The following PCDH15 variants were observed in gnomAD, a reference collection of about 807,000 sequenced individuals.
PCDH15 encodes the protein protocadherin related 15, also known as protocadherin-15.
PCDH15 carries 129 observed loss-of-function variants against 178.5 expected under a neutral mutation model. The ratio of observed to expected loss-of-function variants is 0.72; its 90% CI spans 0.63 to 0.84. The LOEUF (loss-of-function observed/expected upper bound fraction) is 0.84. PCDH15 is among the 40% of genes least tolerant of loss of function. The pLI, the probability that PCDH15 is intolerant of heterozygous loss-of-function variation, is 0.00. For missense variants in PCDH15, 2,230 were observed against 2,099.9 expected, an observed-to-expected ratio of 1.06 and a Z score of -1.21; for synonymous variants, 800 against 732.0, an observed-to-expected ratio of 1.09 and a Z score of -1.50.
intron 20 of PCDH15, among the ~76,000 whole-genome samples, chr10:54,012,502 A>G (rs770132447): frequency 7.2e-5 from 11 of 152,124 alleles, no homozygotes; most frequent in Non-Finnish European, 1.5e-4. Flanking sequence ...ATTCTCTTTC[A>G]TTCTTTTTAA....
chr10:53,822,205 C>T (rs1376954301), intron 32 of PCDH15: 1 of 1,613,926 alleles, frequency 6.2e-7, no homozygotes. Flanking sequence ...GTTATACAGA[C>T]ACACTCTGTG....
chr10:55,010,187 A>C (rs537773747), intron 2 of PCDH15, among the ~76,000 whole-genome samples: 1 of 152,264 alleles, frequency 6.6e-6, no homozygotes, highest in Non-Finnish European at 1.5e-5. Context: ...TACAACCTGA[A>C]GTAAAAAACT....
rs909420547 is a variant in PCDH15 at position 54,185,562 on chromosome 10, T to C, written c.1306-294A>G. Among the ~76,000 whole-genome samples, 61 of 152,058 alleles carry C rather than the reference T, an allele frequency of 4.0e-4. 1 individual carries two copies. The highest frequency in any genetic ancestry group is 5.9e-4 in the Admixed American group (9 of 15,260). On this transcript the variant is annotated intron_variant, in intron 11 of 37. Coordinates refer to ENST00000644397, the MANE Select transcript of PCDH15 (RefSeq NM_001384140.1). ...GAATATAAAAACTCCCAATTAAATA[T>C]ATTCTTACTGATTATTTGTTATCAA...
intron 2 of PCDH15, among the ~76,000 whole-genome samples, chr10:54,657,827 G>C (rs1442991085): frequency 1.3e-5 from 2 of 152,150 alleles, no homozygotes; most frequent in African/African-American, 4.8e-5. Flanking sequence ...CTAAAGGATT[G>C]TACTTGCACT....
chr10:55,234,813 A>G (rs1342103981), intron 1 of PCDH15, among the ~76,000 whole-genome samples: 1 of 152,080 alleles, frequency 6.6e-6, no homozygotes, highest in Non-Finnish European at 1.5e-5. Context: ...TAATTATTAC[A>G]ATGAGAGTGG....
chr10:53,921,917 AT>A (rs748484250), intron 25 of PCDH15, among the ~76,000 whole-genome samples: 2 of 152,038 alleles, frequency 1.3e-5, no homozygotes, highest in African/African-American at 4.8e-5. Flanking sequence ...AAGATACTGG[AT>A]TTTTTCCTCC....
intron 1 of PCDH15, among the ~76,000 whole-genome samples, chr10:54,732,920 T>TA (rs1285106352): frequency 6.6e-6 from 1 of 151,440 alleles, no homozygotes; most frequent in Non-Finnish European, 1.5e-5. Context: ...ATTATCAGAA[T>TA]AAAAAGAAAA....
Position 55,070,952 on chromosome 10 carries a change from T to C in PCDH15, c.-80+95624A>G, listed in dbSNP as rs370036483. On this transcript the variant is annotated intron_variant, in intron 2 of 5. Coordinates refer to the PCDH15 transcript ENST00000458638. ...TTTCTTTGTATCCTCTTTTATTTCA[T>C]TGAGCAGTGGTTTGTAGTTCTCCTT... Among the ~76,000 whole-genome samples, 6 of 152,254 alleles carry C rather than the reference T, an allele frequency of 3.9e-5. No homozygotes were observed. The East Asian group carries it at 1.2e-3, about 29-fold the overall frequency.
chr10:55,366,353 AT>A (rs959249318), intron 2 of PCDH15: 30 of 152,122 alleles, frequency 2.0e-4, no homozygotes, highest in African/African-American at 7.2e-4. Context: ...TTATTTTTAT[AT>A]TTATTTGTAG....
intron 2 of PCDH15, among the ~76,000 whole-genome samples, chr10:54,929,721 T>G (rs950735659): frequency 6.6e-6 from 1 of 152,168 alleles, no homozygotes; most frequent in Non-Finnish European, 1.5e-5. Context: ...GTGTGGCTTT[T>G]CTGGAAAATA....
At chr10:54,939,320 T>C (rs1386224851) in intron 2 of PCDH15, among the ~76,000 whole-genome samples, 1 of 150,150 alleles carries the variant, frequency 6.7e-6, no homozygotes, top group Non-Finnish European at 1.5e-5. Flanking sequence ...CGGTGAAACC[T>C]CGTCTCTACT....
chr10:53,970,909 A>C (rs1467467931), intron 21 of PCDH15, among the ~76,000 whole-genome samples: 1 of 152,216 alleles, frequency 6.6e-6, no homozygotes, highest in Non-Finnish European at 1.5e-5. Context: ...AGTCAATAGA[A>C]AAAGAAGGAA....
At chr10:53,888,359 C>CATATATATACGT (rs2081296009) in intron 26 of PCDH15, among the ~76,000 whole-genome samples, 1 of 107,148 alleles carries the variant, frequency 9.3e-6, no homozygotes, top group East Asian at 2.7e-4. Context: ...CGTATATATA[C>CATATATATACGT]ATATATATAT....
chr10:54,223,562 T>TTTTTTTTTTTTTTTTTGAGACG (rs1554845758), intron 9 of PCDH15, among the ~76,000 whole-genome samples: 1 of 146,190 alleles, frequency 6.8e-6, no homozygotes, highest in Non-Finnish European at 1.5e-5. Context: ...ATATTATTTT[T>TTTTTTTTTTTTTTTTTGAGACG]GAAGTGTTTA....
intron 26 of PCDH15, among the ~76,000 whole-genome samples, chr10:53,870,247 T>A (rs188199352): frequency 2.0e-5 from 3 of 152,276 alleles, no homozygotes; most frequent in Non-Finnish European, 2.9e-5. Flanking sequence ...TGAAACAAAT[T>A]ATCACTTAAT....
chr10:55,598,750 GC>G (rs1001528633), intron 2 of PCDH15, among the ~76,000 whole-genome samples: 2 of 151,648 alleles, frequency 1.3e-5, no homozygotes, highest in Non-Finnish European at 2.9e-5. Context: ...AAGCACACAA[GC>G]CCGTCACCCT....
intron 2 of PCDH15, among the ~76,000 whole-genome samples, chr10:55,506,517 G>A (rs1412843165): frequency 6.6e-6 from 1 of 151,418 alleles, no homozygotes. Flanking sequence ...TATTTGATTG[G>A]AATACCAAAG....
At chr10:54,303,350 T>G (rs2060258851) in intron 8 of PCDH15, among the ~76,000 whole-genome samples, 1 of 152,044 alleles carries the variant, frequency 6.6e-6, no homozygotes, top group African/African-American at 2.4e-5. Flanking sequence ...GTTCCCCAAT[T>G]ATCACAATTG....
intron 2 of PCDH15, among the ~76,000 whole-genome samples, chr10:55,616,919 C>A (rs1475826124): frequency 1.3e-5 from 2 of 151,776 alleles, no homozygotes; most frequent in Non-Finnish European, 2.9e-5. Context: ...ACATTAAGTA[C>A]ATTATTATGT....
Sources: gnomAD v4.1 joint callset for allele counts (sites outside exome capture counted in the v4.1 genomes callset) on GRCh38, gnomAD v4.1.1 for gene constraint, MANE v1.5 for transcripts, NCBI Gene and HGNC (gene_info 2026-07-23, HGNC 2026-07-21) for gene names.